PRORP: variants seen among roughly 807,000 people sequenced by gnomAD.
PRORP encodes protein only RNase P catalytic subunit.
In PRORP, 51 loss-of-function variants were observed where a neutral mutation model predicts 59.4. The ratio of observed to expected loss-of-function variants is 0.86; its 90% confidence interval spans 0.69 to 1.08. The LOEUF (loss-of-function observed/expected upper bound fraction) is 1.08. Among genes scored for constraint, PRORP ranks in the 50% least tolerant of loss-of-function variants. The probability of loss-of-function intolerance (pLI) is 0.00; values close to 1 mark genes in which losing one functional copy is unlikely to be tolerated. For missense variants in PRORP, 646 were observed against 690.3 expected, an observed-to-expected ratio of 0.94 and a Z score of 0.72; for synonymous variants, 231 against 245.6, an observed-to-expected ratio of 0.94 and a Z score of 0.55.
At chr14:35,220,802 T>C (rs1159943995) in intron 5 of PRORP, among the ~76,000 whole-genome samples, 5 of 152,268 alleles carry the variant, frequency 3.3e-5, no homozygotes, top group East Asian at 1.9e-4. Context: ...TGCCAGGCAG[T>C]CTAGTAGGTA....
At chr14:35,193,055 C>T (rs1462857913) in intron 5 of PRORP, among the ~76,000 whole-genome samples, 1 of 151,682 alleles carries the variant, frequency 6.6e-6, no homozygotes, top group African/African-American at 2.4e-5. Flanking sequence ...TTCTCTCTTC[C>T]CCCACATACC....
In PRORP at chr14:35,276,696, AG is replaced by A. The variant is rs1204996755; in HGVS notation, c.*3131del. 6.6e-6 allele frequency: 1 copy of A among 152,178 alleles called. No homozygotes were observed. Among genetic ancestry groups the A allele is most frequent in the Non-Finnish European group, 1.5e-5 (1 of 68,040 alleles). The allele number at this position is 152,178 out of a possible 1,614,324, so 9.4% of individuals were successfully genotyped here. On this transcript the variant is annotated 3_prime_UTR_variant, in exon 8 of 8. Coordinates refer to ENST00000534898, the MANE Select transcript of PRORP (RefSeq NM_014672.4). Reference sequence around the variant, plus strand: ...CACAAGAAGGAGGAATTATTTTAAAAGCTGTACTCTTAAATTGTTAGTATCT... The same window carrying A: ...CACAAGAAGGAGGAATTATTTTAAAACTGTACTCTTAAATTGTTAGTATCT...
intron 7 of PRORP, among the ~76,000 whole-genome samples, chr14:35,271,920 G>C (rs899157164): frequency 1.3e-5 from 2 of 152,136 alleles, no homozygotes; most frequent in African/African-American, 4.8e-5. Context: ...CAGCTACGTG[G>C]GAGGCTAAGG....
intron 5 of PRORP, among the ~76,000 whole-genome samples, chr14:35,212,929 T>TA (rs2049486795): frequency 6.6e-6 from 1 of 152,232 alleles, no homozygotes; most frequent in South Asian, 2.1e-4. Flanking sequence ...TAGCCACCTT[T>TA]ATCAATGATC....
intron 7 of PRORP, among the ~76,000 whole-genome samples, chr14:35,272,001 G>A (rs576439575): frequency 5.3e-4 from 80 of 152,092 alleles, no homozygotes; most frequent in African/African-American, 1.9e-3. Context: ...TATCCAGCCT[G>A]GGTGACAGAG....
At chr14:35,239,022 TA>T (rs2050291157) in intron 5 of PRORP, among the ~76,000 whole-genome samples, 1 of 152,154 alleles carries the variant, frequency 6.6e-6, no homozygotes. Context: ...GAAACTGGCT[TA>T]AAAGGCTGTG....
At chr14:35,267,026 A>G in intron 6 of PRORP, 151 bp downstream of exon 6, 2 of 790,554 alleles carry the variant, frequency 2.5e-6, no homozygotes, top group Non-Finnish European at 3.8e-6. Flanking sequence ...AACTTACAAA[A>G]CTACGGTTTC....
At chr14:35,164,963 C>T (rs181483091) in intron 4 of PRORP, among the ~76,000 whole-genome samples, 99 of 152,270 alleles carry the variant, frequency 6.5e-4, no homozygotes, top group African/African-American at 2.3e-3. Context: ...CAAAGTTTCT[C>T]TCCCATTGTT....
intron 4 of PRORP, among the ~76,000 whole-genome samples, chr14:35,168,722 A>G (rs2138982695): frequency 6.6e-6 from 1 of 152,306 alleles, no homozygotes; most frequent in Non-Finnish European, 1.5e-5. Flanking sequence ...TGTTACAGAA[A>G]TTATCTTATA....
intron 4 of PRORP, among the ~76,000 whole-genome samples, chr14:35,153,406 G>GGAAA (rs2047832251): frequency 6.6e-6 from 1 of 151,190 alleles, no homozygotes; most frequent in African/African-American, 2.4e-5. Context: ...GAGACCGTGG[G>GGAAA]GAGAGAGGGA....
chr14:35,163,528 A>G (rs1271075009), intron 4 of PRORP, among the ~76,000 whole-genome samples: 1 of 151,976 alleles, frequency 6.6e-6, no homozygotes, highest in Non-Finnish European at 1.5e-5. Context: ...GATATTGAGC[A>G]TTTTTTCATA....
intron 4 of PRORP, among the ~76,000 whole-genome samples, chr14:35,143,646 T>A (rs2047535234): frequency 6.9e-6 from 1 of 145,558 alleles, no homozygotes; most frequent in East Asian, 2.3e-4. Flanking sequence ...TTTGTTTGTT[T>A]GTTTGTTTGT....
chr14:35,178,840 G>T (rs1011252199), intron 4 of PRORP, among the ~76,000 whole-genome samples: 3 of 152,126 alleles, frequency 2.0e-5, no homozygotes, highest in Non-Finnish European at 4.4e-5. Flanking sequence ...TAGCATCGAT[G>T]GTCTTTACGT....
chr14:35,175,192 G>A (rs1200321813), intron 4 of PRORP, among the ~76,000 whole-genome samples: 7 of 151,922 alleles, frequency 4.6e-5, no homozygotes, highest in African/African-American at 7.3e-5. Flanking sequence ...GAACAGTGCC[G>A]CAATAAACAT....
intron 4 of PRORP, among the ~76,000 whole-genome samples, chr14:35,138,354 C>T (rs1039019863): frequency 2.1e-5 from 3 of 145,468 alleles, no homozygotes; most frequent in South Asian, 2.2e-4. Context: ...CAAGTCAGTC[C>T]GTAATACCGT....
chr14:35,205,006 A>G (rs2049254558), intron 5 of PRORP, among the ~76,000 whole-genome samples: 3 of 152,236 alleles, frequency 2.0e-5, no homozygotes, highest in Admixed American at 2.0e-4. Flanking sequence ...TGAGGGTTAG[A>G]GAAGTCAATG....
intron 5 of PRORP, among the ~76,000 whole-genome samples, chr14:35,218,848 G>A (rs528324404): frequency 2.0e-4 from 31 of 152,172 alleles, no homozygotes; most frequent in African/African-American, 6.3e-4. Context: ...AAGCACTAAG[G>A]AGTTTAGAGC....
In PRORP at chr14:35,266,800, G is replaced by A. The variant is rs149443288; in HGVS notation, c.1349G>A (p.Arg450Lys). 2.5e-6 allele frequency: 4 copies of A among 1,614,058 alleles called. No individual in the cohort carries two copies. Among genetic ancestry groups the A allele is most frequent in the African/African-American group, 1.3e-5 (1 of 74,930 alleles). The change falls in exon 6 of 8, where the codon AGA (arginine) becomes AAA (lysine). Residue 450 changes from arginine (R) to lysine (K), a missense_variant. Physicochemically the swap from Arg to Lys is conservative, Grantham distance 26. Transcript: ENST00000534898. ...GTCCTAGGCCGGAAGCACATGCTAA[G>A]ACGGAGTTCCCAGTGGAGTCGGGAT... ...LLVLGRKHML[R>K]RSSQWSRDEM...
chr14:35,152,668 C>A (rs1300545218), intron 4 of PRORP, among the ~76,000 whole-genome samples: 1 of 152,072 alleles, frequency 6.6e-6, no homozygotes, highest in Admixed American at 6.5e-5. Context: ...CTCCTCACTT[C>A]CCAGACGGGG....
Sources: allele counts gnomAD v4.1 joint callset (sites outside exome capture counted in the v4.1 genomes callset), GRCh38; gene constraint gnomAD v4.1.1; transcripts MANE v1.5; gene names NCBI Gene and HGNC (gene_info 2026-07-23, HGNC 2026-07-21).